The following TYW1 variants were observed in gnomAD, a reference collection of about 807,000 sequenced individuals.
The protein encoded by TYW1 is tRNA-yW synthesizing protein 1 homolog, also known as S-adenosyl-L-methionine-dependent tRNA 4-demethylwyosine synthase TYW1.
TYW1 carries 46 observed loss-of-function variants against 96.2 expected under a neutral mutation model. The ratio of observed to expected loss-of-function variants is 0.48; its 90% CI spans 0.38 to 0.61. The LOEUF is 0.61. Ranked by LOEUF, TYW1 falls within the 20% of genes least tolerant of loss-of-function variation. The pLI, the probability that TYW1 is intolerant of heterozygous loss-of-function variation, is 0.00. For synonymous variants in TYW1, 274 were observed against 323.0 expected (o/e 0.85, Z 1.63); for missense variants, 684 against 909.6 (o/e 0.75, Z 3.19).
At chr7:67,200,164 A>G (rs1245764252) in intron 15 of TYW1, among the ~76,000 whole-genome samples, 1 of 152,072 alleles carries the variant, frequency 6.6e-6, no homozygotes, top group Admixed American at 6.5e-5. Flanking sequence ...AAAGGAGAGA[A>G]TCTGAGATAG....
At chr7:67,090,969 C>G (rs1248478978) in intron 11 of TYW1, among the ~76,000 whole-genome samples, 1 of 152,178 alleles carries the variant, frequency 6.6e-6, no homozygotes, top group African/African-American at 2.4e-5. Flanking sequence ...GTTGATGGGA[C>G]TGTAAACTAG....
At chr7:67,073,707 G>A (rs1176594181) in intron 10 of TYW1, among the ~76,000 whole-genome samples, 1 of 147,166 alleles carries the variant, frequency 6.8e-6, no homozygotes, top group Non-Finnish European at 1.5e-5. Flanking sequence ...CCAGGAGGTG[G>A]AGGTTGCAGT....
At chr7:67,207,273 C>A (rs1466111528) in intron 15 of TYW1, among the ~76,000 whole-genome samples, 2 of 152,170 alleles carry the variant, frequency 1.3e-5, no homozygotes, top group Non-Finnish European at 2.9e-5. Flanking sequence ...GGATCAATAG[C>A]CCCCTTTCCT....
At chr7:67,205,663 CAGTATT>C (rs1800769607) in intron 15 of TYW1, among the ~76,000 whole-genome samples, 1 of 152,050 alleles carries the variant, frequency 6.6e-6, no homozygotes, top group African/African-American at 2.4e-5. Context: ...GTTCCCCACT[CAGTATT>C]TGCTGACCGG....
intron 4 of TYW1, 84 bp from the exon 5 acceptor site, chr7:67,014,283 A>G: frequency 2.7e-6 from 4 of 1,497,316 alleles, no homozygotes; most frequent in Non-Finnish European, 3.6e-6. Flanking sequence ...CTTTGAGATG[A>G]GTATGCTTTT....
chr7:67,120,375 A>C (rs1797726407), intron 13 of TYW1, among the ~76,000 whole-genome samples: 1 of 152,114 alleles, frequency 6.6e-6, no homozygotes, highest in African/African-American at 2.4e-5. Context: ...GAGCCACTGC[A>C]CCCAGTCTGT....
intron 10 of TYW1, among the ~76,000 whole-genome samples, chr7:67,071,663 C>T (rs1164565426): frequency 6.6e-6 from 1 of 151,994 alleles, no homozygotes; most frequent in Non-Finnish European, 1.5e-5. Flanking sequence ...CTCTGTCACC[C>T]AGGCTGGAGT....
intron 3 of TYW1, among the ~76,000 whole-genome samples, chr7:67,000,383 C>G (rs1793343721): frequency 6.6e-6 from 1 of 152,010 alleles, no homozygotes; most frequent in African/African-American, 2.4e-5. Flanking sequence ...ACCACAACCT[C>G]TGCCTCCTGG....
intron 10 of TYW1, among the ~76,000 whole-genome samples, chr7:67,073,350 A>C (rs1226389233): frequency 6.6e-6 from 1 of 152,196 alleles, no homozygotes; most frequent in African/African-American, 2.4e-5. Flanking sequence ...TGCATAGGAC[A>C]GTGCTCCGCA....
At chr7:67,041,800 C>T (rs527742440) in intron 7 of TYW1, among the ~76,000 whole-genome samples, 69 of 152,156 alleles carry the variant, frequency 4.5e-4, no homozygotes, top group Non-Finnish European at 7.2e-4. Flanking sequence ...TGGAGTCATA[C>T]GTCTCAGCTT....
chr7:67,026,619 A>G (rs1330871351), intron 7 of TYW1, among the ~76,000 whole-genome samples: 6 of 151,984 alleles, frequency 3.9e-5, no homozygotes, highest in African/African-American at 1.4e-4. Flanking sequence ...AAAAATAAAC[A>G]TGGAATAATA....
Position 67,130,664 on chromosome 7 carries a change from C to CAAA in TYW1, c.1698+13057_1698+13059dup, listed in dbSNP as rs111869101. ...GGGCGACAGAGCGAGACTCTTAACT[C>CAAA]AAAAAAAAAAAAATGCAAAATACAA... On this transcript the variant is annotated intron_variant, in intron 13 of 15. Coordinates refer to ENST00000359626, the MANE Select transcript of TYW1 (RefSeq NM_018264.4). Among the ~76,000 whole-genome samples, 141 of 137,884 alleles carry CAAA rather than the reference C, an allele frequency of 1.0e-3. 1 individual carries two copies. The highest frequency in any genetic ancestry group is 3.6e-3 in the African/African-American group (136 of 37,494). 90.5% of individuals were successfully genotyped at this position (137,884 alleles called of 152,430 possible). A position where few individuals can be genotyped will look rare whatever the true frequency, so the allele number is the denominator to read the frequency against.
At chr7:67,090,675 T>C (rs1465751032) in intron 11 of TYW1, among the ~76,000 whole-genome samples, 1 of 151,984 alleles carries the variant, frequency 6.6e-6, no homozygotes, top group Non-Finnish European at 1.5e-5. Flanking sequence ...GAACAGATCG[T>C]GTGTGTGCAT....
At chr7:67,095,665 A>G (rs1382182634) in intron 11 of TYW1, among the ~76,000 whole-genome samples, 1 of 93,430 alleles carries the variant, frequency 1.1e-5, no homozygotes, top group Non-Finnish European at 2.3e-5. Context: ...CTCAAAAACA[A>G]CAACAACAAC....
At chr7:67,026,578 T>C (rs1373145628) in intron 7 of TYW1, among the ~76,000 whole-genome samples, 1 of 152,074 alleles carries the variant, frequency 6.6e-6, no homozygotes. Context: ...TCCTCTAGAC[T>C]CTTAGATCTA....
chr7:67,093,904 G>A (rs1400047637), intron 11 of TYW1, among the ~76,000 whole-genome samples: 1 of 151,916 alleles, frequency 6.6e-6, no homozygotes, highest in African/African-American at 2.4e-5. Context: ...TATTTACATC[G>A]GTGTATTGTG....
rs140938136 is a variant in TYW1 at position 67,063,443 on chromosome 7, G to T, written c.1156-3842G>T. On this transcript the variant is annotated intron_variant, in intron 9 of 15. Coordinates refer to ENST00000359626, the MANE Select transcript of TYW1 (RefSeq NM_018264.4). ...AGCCACTGGAATTAGTCAAGAAAAA[G>T]AAAATGCATACAGGTTGCAAAGGCA... Among the ~76,000 whole-genome samples, 147 of 152,330 alleles carry T rather than the reference G, an allele frequency of 9.7e-4. No individual in the cohort carries two copies. The East Asian group carries it at 0.011, about 11-fold the overall frequency.
intron 11 of TYW1, among the ~76,000 whole-genome samples, chr7:67,088,612 G>A (rs1379447977): frequency 6.6e-6 from 1 of 152,198 alleles, no homozygotes; most frequent in Non-Finnish European, 1.5e-5. Flanking sequence ...TGCCCAGGCT[G>A]GAATGCAGTG....
intron 15 of TYW1, among the ~76,000 whole-genome samples, chr7:67,222,069 C>T (rs1245290344): frequency 7.9e-5 from 12 of 151,828 alleles, no homozygotes; most frequent in Admixed American, 5.9e-4. Flanking sequence ...TTGTGGTGGG[C>T]GCCTGTAATC....
Sources: gnomAD v4.1 joint callset for allele counts (sites outside exome capture counted in the v4.1 genomes callset) on GRCh38, gnomAD v4.1.1 for gene constraint, MANE v1.5 for transcripts, NCBI Gene and HGNC (gene_info 2026-07-23, HGNC 2026-07-21) for gene names.